Variants in TUSC3 observed in about 807,000 individuals in gnomAD.
TUSC3 encodes dolichyl-diphosphooligosaccharide--protein glycosyltransferase subunit TUSC3.
TUSC3 carries 45 observed loss-of-function variants against 44.8 expected under a neutral mutation model. That is an observed-to-expected ratio of 1.00 (90% CI 0.79 to 1.29). The LOEUF (loss-of-function observed/expected upper bound fraction) is 1.29. TUSC3 is among the 50% of genes most tolerant of loss of function. TUSC3 has a pLI of 0.00. For missense variants in TUSC3, 519 were observed against 437.9 expected, an observed-to-expected ratio of 1.19 and a Z score of -1.65; for synonymous variants, 212 against 152.9, an observed-to-expected ratio of 1.39 and a Z score of -2.85.
chr8:15,756,860 A>G (rs1432950516), intron 9 of TUSC3, among the ~76,000 whole-genome samples: 1 of 152,178 alleles, frequency 6.6e-6, no homozygotes. Flanking sequence ...GCTAACTATC[A>G]TGGCTGGGCG....
chr8:15,609,410 G>A (rs1414101411), intron 1 of TUSC3, among the ~76,000 whole-genome samples: 3 of 152,158 alleles, frequency 2.0e-5, no homozygotes, highest in Non-Finnish European at 2.9e-5. Flanking sequence ...AGATGGCTGT[G>A]TACAGCTGGA....
At chr8:15,840,345 G>C in the TUSC3 span, among the ~76,000 whole-genome samples, 1 of 152,000 alleles carries the variant, frequency 6.6e-6, no homozygotes, top group Non-Finnish European at 1.5e-5. Context: ...CCTGCACGTT[G>C]TACACATGTA....
At chr8:15,747,216 T>A (rs370766687) in intron 8 of TUSC3, among the ~76,000 whole-genome samples, 24 of 152,204 alleles carry the variant, frequency 1.6e-4, no homozygotes, top group African/African-American at 5.8e-4. Context: ...TTGGAAAAAA[T>A]TTTAAAAATC....
chr8:15,813,421 A>G, the TUSC3 span, among the ~76,000 whole-genome samples: 122,812 of 151,230 alleles, frequency 0.81, 50,058 homozygotes, highest in Non-Finnish European at 0.85. Context: ...TGTCTCTGCC[A>G]TCTCTGGGGT....
At chr8:15,517,522 C>CAAAAAAAA (rs71211049) in intron 2 of TUSC3, among the ~76,000 whole-genome samples, 6 of 77,576 alleles carry the variant, frequency 7.7e-5, no homozygotes, top group African/African-American at 2.5e-4. Flanking sequence ...TAGCGTGAGG[C>CAAAAAAAA]AAAAAAAAAA....
chr8:15,605,049 G>T (rs1804461995), intron 1 of TUSC3, among the ~76,000 whole-genome samples: 1 of 151,802 alleles, frequency 6.6e-6, no homozygotes, highest in Admixed American at 6.6e-5. Context: ...ATGAACTAAG[G>T]TGTTAGTCAG....
intron 6 of TUSC3, among the ~76,000 whole-genome samples, chr8:15,685,882 T>G (rs1808607121): frequency 8.1e-6 from 1 of 123,660 alleles, no homozygotes; most frequent in East Asian, 2.4e-4. Context: ...GAAAAATTAG[T>G]GGTATTTGTA....
rs1441671454 is a variant in TUSC3, at chr8:15,659,645, C to A, written c.565C>A (p.His189Asn). The A allele has an allele frequency of 1.2e-6, 2 of 1,612,454 alleles. No homozygotes were observed. The highest frequency in any genetic ancestry group is 2.7e-5 in the African/African-American group (2 of 74,998). Reference sequence around the variant, plus strand: ...GTGGATTGCTGACAGAACGGATGTTCATGTATGTTTTTATTCCTCACAGTT... The same window carrying A: ...GTGGATTGCTGACAGAACGGATGTTAATGTATGTTTTTATTCCTCACAGTT... The part of the protein sequence containing the change: ...AKWIADRTDV[H>N]IRVFRPPNYS... The change falls in exon 4 of 11, where the codon CAT becomes AAT. Residue 189 changes from histidine (H) to asparagine (N), a missense_variant and splice_region_variant. Transcript: ENST00000503731.
At chr8:15,821,335 A>G in the TUSC3 span, among the ~76,000 whole-genome samples, 1 of 142,332 alleles carries the variant, frequency 7.0e-6, no homozygotes, top group Non-Finnish European at 1.5e-5. Context: ...GGATTTTAGC[A>G]GATTGATTTT....
chr8:15,434,433 T>C (rs975616049), intron 1 of TUSC3, among the ~76,000 whole-genome samples: 7 of 152,180 alleles, frequency 4.6e-5, no homozygotes, highest in Non-Finnish European at 2.9e-5. Context: ...TTCTTTTTTT[T>C]AGTAATGTCT....
chr8:15,687,164 A>C (rs950800055), intron 6 of TUSC3, among the ~76,000 whole-genome samples: 54 of 152,320 alleles, frequency 3.5e-4, no homozygotes, highest in African/African-American at 1.3e-3. Context: ...TTTGGAATTG[A>C]GATTCTTCCC....
chr8:15,589,970 G>A (rs1026506912), intron 1 of TUSC3, among the ~76,000 whole-genome samples: 20 of 152,220 alleles, frequency 1.3e-4, no homozygotes, highest in Admixed American at 9.8e-4. Flanking sequence ...TTTGGTAGGC[G>A]TAGATTTCAC....
At chr8:15,417,389 A>AG (rs888556024) in intron 1 of TUSC3, 18 of 152,248 alleles carry the variant, frequency 1.2e-4, no homozygotes, top group Admixed American at 6.5e-5. Flanking sequence ...ACTGATACAG[A>AG]GAATATCTAG....
chr8:15,582,596 A>C (rs558383057), intron 1 of TUSC3, among the ~76,000 whole-genome samples: 1 of 152,356 alleles, frequency 6.6e-6, no homozygotes, highest in Non-Finnish European at 1.5e-5. Flanking sequence ...GATCATACAA[A>C]TTGGGTCAAT....
the TUSC3 span, among the ~76,000 whole-genome samples, chr8:15,778,266 C>T: frequency 9.2e-5 from 14 of 152,224 alleles, no homozygotes; most frequent in Non-Finnish European, 1.5e-4. Flanking sequence ...TTCATACTAA[C>T]GTAATCTGAC....
intron 1 of TUSC3, among the ~76,000 whole-genome samples, chr8:15,604,350 G>A (rs570055415): frequency 6.6e-6 from 1 of 151,668 alleles, no homozygotes; most frequent in African/African-American, 2.4e-5. Context: ...AATTATTTAT[G>A]TTAGGAAATA....
At chr8:15,702,054 G>T (rs1443644125) in intron 6 of TUSC3, among the ~76,000 whole-genome samples, 3 of 152,150 alleles carry the variant, frequency 2.0e-5, no homozygotes, top group South Asian at 4.1e-4. Context: ...TAATGGAAAT[G>T]GGACGAGAAT....
chr8:15,524,728 T>TAA (rs1173895454), intron 2 of TUSC3, among the ~76,000 whole-genome samples: 2 of 152,230 alleles, frequency 1.3e-5, no homozygotes, highest in Non-Finnish European at 2.9e-5. Flanking sequence ...CATGCTCTGG[T>TAA]AAAACTCTTT....
chr8:15,501,920 C>G (rs1281099299), intron 2 of TUSC3, among the ~76,000 whole-genome samples: 1 of 152,200 alleles, frequency 6.6e-6, no homozygotes, highest in African/African-American at 2.4e-5. Context: ...TTAGTTCAGT[C>G]TTGATCTCTG....
Sources: allele counts gnomAD v4.1 joint callset (sites outside exome capture counted in the v4.1 genomes callset), GRCh38; gene constraint gnomAD v4.1.1; transcripts MANE v1.5; gene names NCBI Gene and HGNC (gene_info 2026-07-23, HGNC 2026-07-21).